TARBP1: variants seen among roughly 807,000 people sequenced by gnomAD.
TARBP1 encodes tRNA guanosine 2 -O-methyltransferase TARBP1.
A neutral mutation model predicts 178.6 loss-of-function variants in TARBP1; 144 were observed. That is an observed-to-expected ratio of 0.81 (90% confidence interval 0.70 to 0.93). The LOEUF is 0.93. TARBP1 is among the 40% of genes least tolerant of loss of function. The pLI, the probability that TARBP1 is intolerant of heterozygous loss-of-function variation, is 0.00. For synonymous variants in TARBP1, 787 were observed against 781.0 expected (o/e 1.01, Z -0.13); for missense variants, 2,067 against 2,011.7 (o/e 1.03, Z -0.53).
intron 9 of TARBP1, among the ~76,000 whole-genome samples, chr1:234,454,808 C>G (rs956533693): frequency 6.6e-6 from 1 of 152,172 alleles, no homozygotes; most frequent in South Asian, 2.1e-4. Context: ...AGGTCCTAAT[C>G]CCGGAACCTG....
intron 24 of TARBP1, among the ~76,000 whole-genome samples, chr1:234,401,509 G>A (rs1004991406): frequency 1.3e-5 from 2 of 152,198 alleles, no homozygotes; most frequent in South Asian, 2.1e-4. Flanking sequence ...TTTTTTCCAG[G>A]AGAGAAAACC....
chr1:234,472,870 A>C, intron 1 of TARBP1, 59 bp from the exon 2 acceptor site: 55 of 1,269,182 alleles, frequency 4.3e-5, no homozygotes, highest in South Asian at 5.3e-5. Flanking sequence ...TAAGTTTCTC[A>C]ATGACAGCAG....
intron 22 of TARBP1, among the ~76,000 whole-genome samples, chr1:234,414,965 C>T (rs1022274535): frequency 6.6e-6 from 1 of 151,780 alleles, no homozygotes; most frequent in Non-Finnish European, 1.5e-5. Context: ...GTCTGGGCGA[C>T]AGAGCGAGAC....
rs184495316 is a variant in TARBP1 at position 234,447,433 on chromosome 1, C to T, written c.1962-458G>A. 3.8e-3 allele frequency among the ~76,000 whole-genome samples: 486 copies of T among 127,990 alleles called. 2 individuals carry two copies. The highest frequency in any genetic ancestry group is 5.5e-3 in the Non-Finnish European group (354 of 64,100). The allele number at this position is 127,990 out of a possible 152,430, so 84.0% of individuals were successfully genotyped here. A position where few individuals can be genotyped will look rare whatever the true frequency, so the allele number is the denominator to read the frequency against. ...TTTTTGAGATGGGGTCTCACTCTGT[C>T]GCCCAGGCTGGAGTGCTGTGGTGTG... On this transcript the variant is annotated intron_variant, in intron 11 of 29. Coordinates refer to ENST00000040877, the MANE Select transcript of TARBP1 (RefSeq NM_005646.4).
chr1:234,432,837 C>T (rs1024923462), intron 14 of TARBP1, among the ~76,000 whole-genome samples: 1 of 152,148 alleles, frequency 6.6e-6, no homozygotes, highest in African/African-American at 2.4e-5. Flanking sequence ...GGAAGCCAAG[C>T]ATGGAGGGCA....
intron 29 of TARBP1, among the ~76,000 whole-genome samples, 197 bp from the exon 30 acceptor site, chr1:234,391,942 C>T (rs1659414691): frequency 6.6e-6 from 1 of 152,110 alleles, no homozygotes. Context: ...ACTGATGGGT[C>T]AATTCCATGT....
Position 234,478,574 on chromosome 1 carries a change from T to C in TARBP1, c.530A>G (p.Asp177Gly), listed in dbSNP as rs1469394116. The change falls in exon 1 of 30, where the codon GAC (aspartate) becomes GGC (glycine). Residue 177 changes from aspartate (D) to glycine (G), a missense_variant. By Grantham distance (94) the Asp-to-Gly change is moderately conservative. Coordinates refer to ENST00000040877, the MANE Select transcript of TARBP1 (RefSeq NM_005646.4). The part of the protein sequence containing the change: ...AVALALGGGG[D>G]GDEAGPAEDA... ...CTCGGCAGGCCCGGCCTCATCCCCG[T>C]CCCCGCCCCCGCCCAGCGCCAGGGC... 5.4e-6 allele frequency: 7 copies of C among 1,290,902 alleles called. No individual in the cohort carries two copies. The African/African-American group carries it at 7.9e-5, about 15-fold the overall frequency. The allele number at this position is 1,290,902 out of a possible 1,614,324, so 80.0% of individuals were successfully genotyped here.
chr1:234,464,062 C>T, intron 5 of TARBP1, 128 bp from the exon 6 acceptor site: 1 of 467,994 alleles, frequency 2.1e-6, no homozygotes, highest in Non-Finnish European at 3.7e-6. Context: ...TTTTATTTTT[C>T]TGAACCTGCA....
chr1:234,413,715 T>C (rs1662109373), intron 22 of TARBP1, among the ~76,000 whole-genome samples: 1 of 152,098 alleles, frequency 6.6e-6, no homozygotes, highest in Non-Finnish European at 1.5e-5. Flanking sequence ...ATTCTCACCA[T>C]GGAAACCCTG....
In TARBP1 at chr1:234,460,234, T is replaced by A. The variant is rs772990798; in HGVS notation, c.1535+27A>T. The A allele has an allele frequency of 6.9e-6, 11 of 1,590,694 alleles. No homozygotes were observed. In the East Asian group the frequency reaches 2.5e-4, roughly 36 times the overall value. ...GATGGAAAGTCATGGCAAATAACCA[T>A]ACAAGTACATATACAGAGTAAATTA... On this transcript the variant is annotated intron_variant, in intron 7 of 29. Coordinates refer to ENST00000040877, the MANE Select transcript of TARBP1 (RefSeq NM_005646.4).
intron 6 of TARBP1, among the ~76,000 whole-genome samples, chr1:234,463,150 G>T (rs1359913035): frequency 6.6e-6 from 1 of 151,932 alleles, no homozygotes; most frequent in Non-Finnish European, 1.5e-5. Flanking sequence ...TTTTGAGACA[G>T]TCTTGCTCTG....
At chr1:234,468,067 C>A (rs911636369) in intron 3 of TARBP1, among the ~76,000 whole-genome samples, 1 of 152,004 alleles carries the variant, frequency 6.6e-6, no homozygotes, top group Non-Finnish European at 1.5e-5. Context: ...GTATGAGCCA[C>A]CGCACCCAGA....
At position 234,427,595 on chromosome 1, in the gene TARBP1, C is replaced by G. The variant is rs1663924934; in HGVS notation, c.3232G>C (p.Val1078Leu). 6.2e-7 allele frequency: 1 copy of G among 1,601,346 alleles called. No homozygotes were observed. Among genetic ancestry groups the G allele is most frequent in the South Asian group, 1.1e-5 (1 of 87,954 alleles). The change falls in exon 18 of 30, where the codon GTG becomes CTG. Residue 1078 changes from valine to leucine, a missense_variant. By Grantham distance (32) the Val-to-Leu change is conservative. Transcript: ENST00000040877. ...TTTTACCTTTGATCACGCCTAAACA[C>G]AGTTCCAAATATACAAGCCTCAAGG... ...LILEACIFGT[V>L]FRRDQRLVQD...
intron 28 of TARBP1, 128 bp from the exon 29 acceptor site, chr1:234,392,680 T>C (rs1482417321): frequency 6.7e-6 from 5 of 744,802 alleles, no homozygotes; most frequent in South Asian, 2.3e-5. Context: ...TTATACATTA[T>C]AAAAAAGAAC....
chr1:234,462,987 G>A lies in TARBP1; in HGVS notation c.1399+850C>T, dbSNP rs537186914. 3.3e-5 allele frequency among the ~76,000 whole-genome samples: 5 copies of A among 152,330 alleles called. No individual in the cohort carries two copies. In the South Asian group the frequency reaches 1.0e-3, roughly 32 times the overall value. ...GGACTCACAAAGCAGAGTAGGTCCT[G>A]CTGCTGCTCAGCAAACAAAAATCAC... is the stretch of plus-strand genomic sequence containing the variant. On this transcript the variant is annotated intron_variant, in intron 6 of 29. Transcript: ENST00000040877.
chr1:234,466,370 G>C (rs956904223), intron 4 of TARBP1, among the ~76,000 whole-genome samples: 7 of 152,060 alleles, frequency 4.6e-5, no homozygotes, highest in African/African-American at 1.7e-4. Flanking sequence ...AACTGAGCCA[G>C]GCATGGTGGC....
At position 234,419,096 on chromosome 1, in the gene TARBP1, CT is replaced by C. The variant is rs747309406; in HGVS notation, c.3556-864del. On this transcript the variant is annotated intron_variant, in intron 21 of 29. Coordinates refer to ENST00000040877, the MANE Select transcript of TARBP1 (RefSeq NM_005646.4). ...CTGAGGCAGGAGAATGGCGTGAACC[CT>C]GGGGGGCGGAGCCTGCAGTGAGCCG... Among the ~76,000 whole-genome samples the C allele has an allele frequency of 7.3e-4, 111 of 152,120 alleles. 1 individual carries two copies. The highest frequency in any genetic ancestry group is 3.5e-3 in the East Asian group (18 of 5,156).
chr1:234,392,354 G>A, intron 29 of TARBP1, 62 bp downstream of exon 29: 2 of 1,570,016 alleles, frequency 1.3e-6, no homozygotes, highest in Non-Finnish European at 1.7e-6. Context: ...AAAAAAACAA[G>A]GTAACATCTT....
At position 234,478,269 on chromosome 1, in the gene TARBP1, G is replaced by A; in HGVS notation, c.835C>T (p.Leu279=). 1 of 1,598,176 alleles carries A rather than the reference G, an allele frequency of 6.3e-7. No individual in the cohort carries two copies. Residue 279 remains leucine (L), a synonymous_variant, in exon 1 of 30, where the codon CTG becomes TTG. Transcript: ENST00000040877. The part of the protein sequence containing the change: ...VQAGLGQADA[L]TRKRARYLLQ... The stretch of plus-strand genomic sequence containing the variant: ...AGGTAGCGCGCTCGCTTGCGCGTCA[G>A]GGCGTCCGCCTGGCCCAGCCCCGCC...
Sources: gnomAD v4.1 joint callset for allele counts (sites outside exome capture counted in the v4.1 genomes callset) on GRCh38, gnomAD v4.1.1 for gene constraint, MANE v1.5 for transcripts, NCBI Gene and HGNC (gene_info 2026-07-23, HGNC 2026-07-21) for gene names.